Variants in ATP8A2 observed in about 807,000 individuals in gnomAD.
The protein encoded by ATP8A2 is ATPase phospholipid transporting 8A2, also known as phospholipid-transporting ATPase IB.
ATP8A2 carries 100 observed loss-of-function variants against 165.6 expected under a neutral mutation model. The observed-to-expected ratio is 0.60, with a 90% CI of 0.51 to 0.71. The LOEUF is 0.71. ATP8A2 is among the 30% of genes least tolerant of loss of function. The probability of loss-of-function intolerance (pLI) is 0.00; values close to 1 mark genes in which losing one functional copy is unlikely to be tolerated. For missense variants in ATP8A2, 1,227 were observed against 1,479.5 expected (o/e 0.83, Z 2.80); for synonymous variants, 543 against 548.8 (o/e 0.99, Z 0.15).
chr13:25,774,529 C>T (rs1313360121), intron 26 of ATP8A2, among the ~76,000 whole-genome samples: 1 of 152,140 alleles, frequency 6.6e-6, no homozygotes, highest in Non-Finnish European at 1.5e-5. Context: ...TGTAATAAAC[C>T]TTCACATCCT....
intron 27 of ATP8A2, among the ~76,000 whole-genome samples, chr13:25,802,577 A>C (rs1233393944): frequency 1.3e-5 from 2 of 152,208 alleles, no homozygotes; most frequent in Non-Finnish European, 2.9e-5. Flanking sequence ...TCTGTGAGGC[A>C]GTAGGAAATG....
chr13:25,604,036 G>T (rs2040456063), intron 24 of ATP8A2, among the ~76,000 whole-genome samples: 1 of 152,024 alleles, frequency 6.6e-6, no homozygotes, highest in Non-Finnish European at 1.5e-5. Flanking sequence ...AGCTCTTGTG[G>T]GTGGTGGGGT....
chr13:25,450,392 A>G (rs1305770065), intron 1 of ATP8A2, among the ~76,000 whole-genome samples: 3 of 152,190 alleles, frequency 2.0e-5, no homozygotes, highest in Non-Finnish European at 4.4e-5. Context: ...TCTTTGAGGA[A>G]TCACCACACT....
At chr13:25,785,761 T>G (rs1187543991) in intron 27 of ATP8A2, among the ~76,000 whole-genome samples, 2 of 152,064 alleles carry the variant, frequency 1.3e-5, no homozygotes, top group Non-Finnish European at 2.9e-5. Flanking sequence ...AAGCCCAAGA[T>G]CAAGAATGGA....
At chr13:25,639,355 C>A (rs1215616574) in intron 24 of ATP8A2, among the ~76,000 whole-genome samples, 1 of 152,080 alleles carries the variant, frequency 6.6e-6, no homozygotes, top group East Asian at 1.9e-4. Context: ...ATTCAGGAGA[C>A]CCATCTCACA....
chr13:25,976,852 G>A (rs569954306), intron 35 of ATP8A2, among the ~76,000 whole-genome samples: 33 of 152,190 alleles, frequency 2.2e-4, no homozygotes, highest in African/African-American at 7.9e-4. Context: ...GCAGTGGTGC[G>A]ACCTCAGCTC....
chr13:25,763,207 G>A (rs1387920520), intron 25 of ATP8A2, among the ~76,000 whole-genome samples: 1 of 152,096 alleles, frequency 6.6e-6, no homozygotes, highest in Non-Finnish European at 1.5e-5. Flanking sequence ...AAACCCATTC[G>A]CTCATGGATT....
chr13:25,518,545 C>CTG (rs10684769), intron 2 of ATP8A2, among the ~76,000 whole-genome samples: 99,842 of 151,850 alleles, frequency 0.66, 33,976 homozygotes, highest in Middle Eastern at 0.75. Context: ...AGCTTAATTT[C>CTG]TGTTTCTGGA....
chr13:26,018,694 C>T (rs537099181), intron 36 of ATP8A2, among the ~76,000 whole-genome samples: 1 of 152,164 alleles, frequency 6.6e-6, no homozygotes, highest in Admixed American at 6.5e-5. Flanking sequence ...CCACTCTGGG[C>T]TTGTGAACAC....
intron 2 of ATP8A2, among the ~76,000 whole-genome samples, chr13:25,469,798 G>A (rs1180596181): frequency 1.3e-5 from 2 of 152,106 alleles, no homozygotes. Flanking sequence ...TAAATGGCAG[G>A]GCTGGAAATT....
intron 27 of ATP8A2, among the ~76,000 whole-genome samples, chr13:25,797,412 C>T (rs1950518918): frequency 6.6e-6 from 1 of 152,046 alleles, no homozygotes; most frequent in Non-Finnish European, 1.5e-5. Context: ...TAAATATATA[C>T]ACCTAATATG....
In ATP8A2 at chr13:25,810,428, C is replaced by G. The variant is rs537115488; in HGVS notation, c.2680-17690C>G. Among the ~76,000 whole-genome samples, 11 of 152,048 alleles carry G rather than the reference C, an allele frequency of 7.2e-5. No homozygotes were observed. In the East Asian group the frequency reaches 2.1e-3, roughly 29 times the overall value. Reference sequence around the variant, plus strand: ...CTGTCTTTAATAAATAGCACTGACTCCATTTGGGATGAAAAAAGCAAATAT... The same window carrying G: ...CTGTCTTTAATAAATAGCACTGACTGCATTTGGGATGAAAAAAGCAAATAT... On this transcript the variant is annotated intron_variant, in intron 27 of 36. Coordinates refer to ENST00000381655, the MANE Select transcript of ATP8A2 (RefSeq NM_016529.6).
intron 23 of ATP8A2, among the ~76,000 whole-genome samples, chr13:25,585,415 G>A (rs545781484): frequency 1.3e-5 from 2 of 152,186 alleles, no homozygotes; most frequent in African/African-American, 2.4e-5. Context: ...GATGTAGGAT[G>A]AGTGAGAACA....
At chr13:26,004,875 A>G (rs116343558) in intron 35 of ATP8A2, among the ~76,000 whole-genome samples, 1 of 151,994 alleles carries the variant, frequency 6.6e-6, no homozygotes, top group Non-Finnish European at 1.5e-5. Context: ...ATGTGTTGTT[A>G]AGTTCAGTTT....
intron 24 of ATP8A2, among the ~76,000 whole-genome samples, chr13:25,607,382 A>G (rs1038393869): frequency 6.6e-6 from 1 of 152,220 alleles, no homozygotes; most frequent in Non-Finnish European, 1.5e-5. Context: ...CTTCAATGCT[A>G]CAAAGGCAGA....
chr13:25,894,629 G>A (rs959566557), intron 33 of ATP8A2, among the ~76,000 whole-genome samples: 1 of 152,100 alleles, frequency 6.6e-6, no homozygotes, highest in Non-Finnish European at 1.5e-5. Context: ...CTTGGGCAGT[G>A]CGGCCATTTT....
intron 25 of ATP8A2, among the ~76,000 whole-genome samples, chr13:25,756,705 G>T (rs2044269945): frequency 6.6e-6 from 1 of 152,208 alleles, no homozygotes; most frequent in Non-Finnish European, 1.5e-5. Context: ...GCAGAGTTGT[G>T]CTTAGGATTA....
chr13:26,011,446 C>G (rs187775648), intron 35 of ATP8A2, among the ~76,000 whole-genome samples: 4 of 152,146 alleles, frequency 2.6e-5, no homozygotes, highest in African/African-American at 9.7e-5. Context: ...TTTCCAAATA[C>G]AGTCCCATTC....
At chr13:25,509,947 C>T (rs555276144) in intron 2 of ATP8A2, among the ~76,000 whole-genome samples, 6 of 152,236 alleles carry the variant, frequency 3.9e-5, no homozygotes, top group South Asian at 2.1e-4. Flanking sequence ...CTTCATCTGG[C>T]GCACGCCCCA....
Sources: allele counts gnomAD v4.1 joint callset (sites outside exome capture counted in the v4.1 genomes callset), GRCh38; gene constraint gnomAD v4.1.1; transcripts MANE v1.5; gene names NCBI Gene and HGNC (gene_info 2026-07-23, HGNC 2026-07-21).